The following EEF1AKMT3 variants were observed in gnomAD, a reference collection of about 807,000 sequenced individuals.
EEF1AKMT3 encodes EEF1A lysine methyltransferase 3.
Under a neutral mutation model 17.8 loss-of-function variants are expected in EEF1AKMT3, and 17 were observed. That is an observed-to-expected ratio of 0.96 (90% CI 0.65 to 1.43). The LOEUF (loss-of-function observed/expected upper bound fraction) is 1.43, where lower values mean the gene tolerates loss of function less well. Ranked by LOEUF, EEF1AKMT3 falls within the 40% of genes most tolerant of loss-of-function variation. The pLI is 0.00. For synonymous variants in EEF1AKMT3, 116 were observed against 126.5 expected (o/e 0.92, Z 0.56); for missense variants, 244 against 285.8 (o/e 0.85, Z 1.06).
chr12:57,775,571 A>G (rs541212214), intron 2 of EEF1AKMT3, among the ~76,000 whole-genome samples: 3 of 152,204 alleles, frequency 2.0e-5, no homozygotes, highest in Admixed American at 6.5e-5. Context: ...TAGTAGAGAC[A>G]GAGTTTTGCC....
chr12:57,778,292 G>GGTTTTTTTTTTTTTTT (rs78304489), intron 2 of EEF1AKMT3, among the ~76,000 whole-genome samples: 1 of 2,302 alleles, frequency 4.3e-4, no homozygotes, highest in African/African-American at 1.7e-3. Context: ...ACCATCCTGA[G>GGTTTTTTTTTTTTTTT]CTTTTTTTTT....
intron 2 of EEF1AKMT3, among the ~76,000 whole-genome samples, chr12:57,773,403 T>C (rs555216135): frequency 6.9e-6 from 1 of 144,558 alleles, no homozygotes; most frequent in Admixed American, 6.8e-5. Flanking sequence ...GTTGTTTCTA[T>C]CGTGTTGCTT....
chr12:57,775,264 TCTC>T (rs1323548550), intron 2 of EEF1AKMT3, among the ~76,000 whole-genome samples: 1 of 152,046 alleles, frequency 6.6e-6, no homozygotes, highest in Non-Finnish European at 1.5e-5. Context: ...CAGACTGGCT[TCTC>T]CTTCTTTGCC....
At chr12:57,778,415 C>T (rs1297068450) in intron 2 of EEF1AKMT3, among the ~76,000 whole-genome samples, 1 of 151,370 alleles carries the variant, frequency 6.6e-6, no homozygotes. Context: ...ATCCTCTGAC[C>T]TCAGCCTCCC....
At chr12:57,776,468 A>G (rs1426594730) in intron 2 of EEF1AKMT3, among the ~76,000 whole-genome samples, 3 of 152,162 alleles carry the variant, frequency 2.0e-5, no homozygotes, top group Non-Finnish European at 4.4e-5. Flanking sequence ...TAACTTTGTT[A>G]CCATTGGCCT....
At chr12:57,774,228 C>T (rs1181852467) in intron 2 of EEF1AKMT3, among the ~76,000 whole-genome samples, 1 of 152,206 alleles carries the variant, frequency 6.6e-6, no homozygotes, top group African/African-American at 2.4e-5. Flanking sequence ...CACCTGTAAT[C>T]CCAGCCCTTT....
intron 2 of EEF1AKMT3, among the ~76,000 whole-genome samples, chr12:57,773,353 G>A (rs1185291948): frequency 6.6e-6 from 1 of 152,128 alleles, no homozygotes; most frequent in Non-Finnish European, 1.5e-5. Flanking sequence ...GGTGATTGGG[G>A]AGGGCAGGAA....
At chr12:57,774,617 T>C in intron 2 of EEF1AKMT3, 1 of 1,217,100 alleles carries the variant, frequency 8.2e-7, no homozygotes, top group Non-Finnish European at 1.2e-6. Context: ...AGACAGATTT[T>C]CTCTCCCCAA....
chr12:57,778,001 A>G (rs1955490221), intron 2 of EEF1AKMT3, among the ~76,000 whole-genome samples: 2 of 149,842 alleles, frequency 1.3e-5, no homozygotes, highest in Admixed American at 1.3e-4. Context: ...CCTGGGCAAC[A>G]AGTGCGAGAC....
intron 2 of EEF1AKMT3, among the ~76,000 whole-genome samples, chr12:57,773,866 T>C (rs1035576362): frequency 1.3e-5 from 2 of 152,214 alleles, no homozygotes; most frequent in Non-Finnish European, 2.9e-5. Context: ...TTTATAACTT[T>C]ATTATGAATA....
chr12:57,774,643 G>C, intron 2 of EEF1AKMT3: 1 of 1,497,434 alleles, frequency 6.7e-7, no homozygotes, highest in South Asian at 1.1e-5. Context: ...TTATGGTCTA[G>C]TGAGGGAGAC....
intron 2 of EEF1AKMT3, among the ~76,000 whole-genome samples, chr12:57,773,375 G>A (rs1255506514): frequency 1.3e-5 from 2 of 151,960 alleles, no homozygotes; most frequent in Non-Finnish European, 2.9e-5. Flanking sequence ...TAAAACTCAG[G>A]CAGGCCTATA....
intron 2 of EEF1AKMT3, chr12:57,774,723 G>A (rs759295736): frequency 1.9e-6 from 3 of 1,612,888 alleles, no homozygotes; most frequent in Non-Finnish European, 2.5e-6. Flanking sequence ...CTCTATCCAT[G>A]TCTACCATGA....
In EEF1AKMT3 at chr12:57,780,426, AC is replaced by A. The variant is rs746381090; in HGVS notation, c.463del (p.Leu155TrpfsTer28). The A allele has an allele frequency of 5.6e-6, 9 of 1,614,162 alleles. No homozygotes were observed. In the Admixed American group the frequency reaches 1.5e-4, roughly 27 times the overall value. On this transcript the variant is annotated frameshift_variant, in exon 3 of 3. Transcript: ENST00000300209. LOFTEE classifies it high-confidence loss of function. ...YDLVLGADIV[Y>X]LEPTFPLLLG... is the part of the protein sequence containing the mutation. Reference sequence around the variant, plus strand: ...CTGGTGCTGGGGGCTGATATCGTGTACCTGGAACCCACCTTCCCTCTGCTGC... The same window carrying A: ...CTGGTGCTGGGGGCTGATATCGTGTACTGGAACCCACCTTCCCTCTGCTGC...
chr12:57,780,585 G>A lies in EEF1AKMT3; in HGVS notation c.620G>A (p.Arg207Gln), dbSNP rs141172155. The A allele has an allele frequency of 2.7e-3, 4,427 of 1,613,392 alleles. 9 individuals carry two copies. Among genetic ancestry groups the A allele is most frequent in the Non-Finnish European group, 3.4e-3 (3,986 of 1,180,032 alleles). Residue 207 changes from arginine (R) to glutamine (Q), a missense_variant, in exon 3 of 3, where the codon CGG becomes CAG. Physicochemically the swap from Arg to Gln is conservative, Grantham distance 43 (BLOSUM62 1). Coordinates refer to ENST00000300209, the MANE Select transcript of EEF1AKMT3 (RefSeq NM_015433.3). Reference sequence around the variant, plus strand: ...CATTTCCAACTGGAGCTGGCTCAGCGGGATGAGGATGAAAATGTCAACATC... The same window carrying A: ...CATTTCCAACTGGAGCTGGCTCAGCAGGATGAGGATGAAAATGTCAACATC... ...PQHFQLELAQ[R>Q]DEDENVNIYR... is the part of the protein sequence containing the mutation.
chr12:57,780,232 T>A (rs773911498), intron 2 of EEF1AKMT3, 23 bp from the exon 3 acceptor site: 3 of 1,606,780 alleles, frequency 1.9e-6, no homozygotes, highest in Non-Finnish European at 2.5e-6. Context: ...TGACTTGCAT[T>A]TTTCCTCCTT....
chr12:57,780,696 G>GT lies in EEF1AKMT3; in HGVS notation c.*51dup. On this transcript the variant is annotated 3_prime_UTR_variant, in exon 3 of 3. Transcript: ENST00000300209. Reference sequence around the variant, plus strand: ...TCTCTTGCTCTAATGAAGGAACTGTGTATCTCAAAAACCATATTTCCAGAG... The same window carrying GT: ...TCTCTTGCTCTAATGAAGGAACTGTGTTATCTCAAAAACCATATTTCCAGAG... The GT allele has an allele frequency of 1.3e-6, 2 of 1,587,748 alleles. No homozygotes were observed. Among genetic ancestry groups the GT allele is most frequent in the Non-Finnish European group, 1.7e-6 (2 of 1,175,686 alleles).
Position 57,772,979 on chromosome 12 carries a change from C to A in EEF1AKMT3, c.178-38C>A, listed in dbSNP as rs1211619795. ...CTCCGCCTCTCCCATATGGAGCCAT[C>A]CTCACGACTGTCTTTTTCTCTGTCT... On this transcript the variant is annotated intron_variant, in intron 1 of 2. Transcript: ENST00000300209. The surrounding 1 kb of genome is among the most constrained non-coding windows in gnomAD (Gnocchi z 4.1). 6.2e-7 allele frequency: 1 copy of A among 1,613,940 alleles called. No homozygotes were observed. Among genetic ancestry groups the A allele is most frequent in the Non-Finnish European group, 8.5e-7 (1 of 1,179,826 alleles).
At position 57,773,070 on chromosome 12, in the gene EEF1AKMT3, G is replaced by A; in HGVS notation, c.231G>A (p.Lys77=). Residue 77 remains lysine, a synonymous_variant, in exon 2 of 3, where the codon AAG becomes AAA. Coordinates refer to ENST00000300209, the MANE Select transcript of EEF1AKMT3 (RefSeq NM_015433.3). ...FESQNVDFRG[K]KVIELGAGTG... ...GTCAAAATGTGGATTTCCGAGGCAA[G>A]AAGGTGATCGAACTGGGTGCGGGGA... 1 of 1,614,166 alleles carries A rather than the reference G, an allele frequency of 6.2e-7. No homozygotes were observed. Among genetic ancestry groups the A allele is most frequent in the Non-Finnish European group, 8.5e-7 (1 of 1,180,046 alleles).
Sources: allele counts gnomAD v4.1 joint callset (sites outside exome capture counted in the v4.1 genomes callset), GRCh38; gene constraint gnomAD v4.1.1; non-coding constraint Gnocchi (gnomAD v3.1); transcripts MANE v1.5; gene names NCBI Gene and HGNC (gene_info 2026-07-23, HGNC 2026-07-21).